The following PIP5K1B variants were observed in gnomAD, a reference collection of about 807,000 sequenced individuals.
The protein encoded by PIP5K1B is phosphatidylinositol 4-phosphate 5-kinase type-1 beta.
Under a neutral mutation model 67.0 loss-of-function variants are expected in PIP5K1B, and 42 were observed. The observed-to-expected ratio is 0.63, with a 90% CI of 0.49 to 0.81. The LOEUF (loss-of-function observed/expected upper bound fraction) is 0.81. Ranked by LOEUF, PIP5K1B falls within the 30% of genes least tolerant of loss-of-function variation. PIP5K1B has a pLI of 0.00. For synonymous variants in PIP5K1B, 214 were observed against 231.4 expected (o/e 0.92, Z 0.68); for missense variants, 459 against 646.3 (o/e 0.71, Z 3.14).
intron 14 of PIP5K1B, among the ~76,000 whole-genome samples, chr9:68,945,413 A>G (rs1440208515): frequency 6.6e-6 from 1 of 152,158 alleles, no homozygotes; most frequent in East Asian, 1.9e-4. Context: ...CCCAAAGTGC[A>G]GGGATTACAG....
intron 14 of PIP5K1B, among the ~76,000 whole-genome samples, chr9:68,948,894 T>C (rs2132675473): frequency 6.6e-6 from 1 of 152,338 alleles, no homozygotes; most frequent in East Asian, 1.9e-4. Context: ...ATTTTTCAGA[T>C]ATCTGACATT....
intron 14 of PIP5K1B, among the ~76,000 whole-genome samples, chr9:68,955,247 C>A (rs1189716285): frequency 6.6e-6 from 1 of 152,186 alleles, no homozygotes; most frequent in Non-Finnish European, 1.5e-5. Context: ...CTTGACTGAA[C>A]CAAGAAGGCA....
At chr9:68,785,749 A>G (rs531781684) in intron 2 of PIP5K1B, among the ~76,000 whole-genome samples, 3 of 152,276 alleles carry the variant, frequency 2.0e-5, no homozygotes, top group Admixed American at 2.0e-4. Context: ...TAGACAGTGG[A>G]GCAGGGTGGC....
intron 14 of PIP5K1B, among the ~76,000 whole-genome samples, chr9:68,952,451 G>A (rs758974126): frequency 4.6e-5 from 7 of 152,092 alleles, no homozygotes; most frequent in Non-Finnish European, 7.4e-5. Flanking sequence ...TATCAGTTCC[G>A]TTGTTTGTCA....
chr9:68,837,974 A>G (rs1248733680), intron 4 of PIP5K1B, among the ~76,000 whole-genome samples: 1 of 151,922 alleles, frequency 6.6e-6, no homozygotes, highest in African/African-American at 2.4e-5. Context: ...TATGCTCCTC[A>G]GTAAACTTTT....
chr9:68,808,017 G>A (rs905008548), intron 2 of PIP5K1B, among the ~76,000 whole-genome samples: 5 of 152,142 alleles, frequency 3.3e-5, no homozygotes, highest in African/African-American at 1.2e-4. Context: ...GGCCAACATG[G>A]CAAAACCCTG....
intron 15 of PIP5K1B, among the ~76,000 whole-genome samples, chr9:69,007,609 G>A (rs1158948877): frequency 1.3e-5 from 2 of 152,172 alleles, no homozygotes; most frequent in African/African-American, 2.4e-5. Flanking sequence ...TGTAATCCCA[G>A]CACTTTGGGA....
intron 5 of PIP5K1B, among the ~76,000 whole-genome samples, chr9:68,870,213 A>G (rs1823564152): frequency 6.6e-6 from 1 of 152,206 alleles, no homozygotes; most frequent in Non-Finnish European, 1.5e-5. Flanking sequence ...TATATAACCG[A>G]TGATGTCACA....
At chr9:68,995,599 A>C (rs1587779816) in intron 15 of PIP5K1B, among the ~76,000 whole-genome samples, 1 of 152,246 alleles carries the variant, frequency 6.6e-6, no homozygotes, top group Non-Finnish European at 1.5e-5. Context: ...TGAGGTCGGG[A>C]ATTCGAGACC....
chr9:68,884,384 C>A (rs1490971429), intron 6 of PIP5K1B, among the ~76,000 whole-genome samples: 2 of 150,890 alleles, frequency 1.3e-5, no homozygotes, highest in Admixed American at 1.3e-4. Flanking sequence ...GATACACAGG[C>A]CAAGCATGGT....
intron 8 of PIP5K1B, among the ~76,000 whole-genome samples, chr9:68,912,369 C>G (rs1825898691): frequency 6.6e-6 from 1 of 152,032 alleles, no homozygotes; most frequent in African/African-American, 2.4e-5. Flanking sequence ...GGGTGAACAT[C>G]TTTAGGGCAC....
At chr9:68,908,635 T>C (rs915751891) in intron 8 of PIP5K1B, among the ~76,000 whole-genome samples, 2 of 152,180 alleles carry the variant, frequency 1.3e-5, no homozygotes, top group Non-Finnish European at 2.9e-5. Flanking sequence ...TGAGCTTTAC[T>C]GAAGAAATTT....
chr9:68,916,877 TA>T (rs112889490), intron 8 of PIP5K1B, among the ~76,000 whole-genome samples: 42 of 141,860 alleles, frequency 3.0e-4, no homozygotes, highest in South Asian at 4.4e-4. Flanking sequence ...GTCTCAAAAA[TA>T]AAAAAAAAAA....
intron 12 of PIP5K1B, among the ~76,000 whole-genome samples, chr9:68,934,634 G>T (rs972292793): frequency 6.6e-6 from 1 of 152,140 alleles, no homozygotes. Context: ...AATCTGGAGA[G>T]AAATTTTAAC....
chr9:68,923,487 C>A lies in PIP5K1B; in HGVS notation c.1201+101C>A. 11 of 617,030 alleles carry A rather than the reference C, an allele frequency of 1.8e-5. 1 individual carries two copies. In the South Asian group the frequency reaches 1.8e-4, roughly 10 times the overall value. The allele number at this position is 617,030 out of a possible 1,614,324, so 38.2% of individuals were successfully genotyped here. ...AAGAACTAACACATTTCTCTCCCTG[C>A]AGCAGTAATCACTTAGTAATTATGG... On this transcript the variant is annotated intron_variant, in intron 12 of 15. Transcript: ENST00000265382.
chr9:68,712,834 T>C (rs954137685), intron 1 of PIP5K1B, among the ~76,000 whole-genome samples: 2 of 152,230 alleles, frequency 1.3e-5, no homozygotes, highest in Non-Finnish European at 2.9e-5. Flanking sequence ...GAAGAGGAAA[T>C]TATCAAGCAC....
At chr9:68,776,548 A>G (rs939202596) in intron 2 of PIP5K1B, among the ~76,000 whole-genome samples, 9 of 152,048 alleles carry the variant, frequency 5.9e-5, no homozygotes, top group African/African-American at 2.2e-4. Context: ...GGACTCAACA[A>G]TGCTTCCACC....
intron 14 of PIP5K1B, among the ~76,000 whole-genome samples, chr9:68,984,542 G>C (rs1490313741): frequency 6.6e-6 from 1 of 152,108 alleles, no homozygotes; most frequent in Non-Finnish European, 1.5e-5. Context: ...ATAAATGCCT[G>C]ATTATTCATT....
chr9:68,873,314 G>A (rs892329221), intron 5 of PIP5K1B, among the ~76,000 whole-genome samples: 19 of 132,930 alleles, frequency 1.4e-4, no homozygotes, highest in Non-Finnish European at 2.8e-4. Flanking sequence ...CTGAGACAGG[G>A]TCTTGCTCTG....
Sources: gnomAD v4.1 joint callset for allele counts (sites outside exome capture counted in the v4.1 genomes callset) on GRCh38, gnomAD v4.1.1 for gene constraint, MANE v1.5 for transcripts, NCBI Gene and HGNC (gene_info 2026-07-23, HGNC 2026-07-21) for gene names.